The following PRKCZ variants were observed in gnomAD, a reference collection of about 807,000 sequenced individuals.
PRKCZ encodes protein kinase C zeta, also known as protein kinase C zeta type.
In PRKCZ, 33 loss-of-function variants were observed where a neutral mutation model predicts 79.5. The ratio of observed to expected loss-of-function variants is 0.41; its 90% CI spans 0.31 to 0.55. The LOEUF is 0.55. PRKCZ is among the 20% of genes least tolerant of loss of function. The pLI, the probability that PRKCZ is intolerant of heterozygous loss-of-function variation, is 0.19. For missense variants in PRKCZ, 578 were observed against 813.5 expected, an observed-to-expected ratio of 0.71 and a Z score of 3.52; for synonymous variants, 342 against 320.9, an observed-to-expected ratio of 1.07 and a Z score of -0.70.
At chr1:2,060,530 A>G (rs552531349) in intron 4 of PRKCZ, among the ~76,000 whole-genome samples, 27 of 148,224 alleles carry the variant, frequency 1.8e-4, no homozygotes, top group African/African-American at 6.6e-4. Flanking sequence ...AGTGGGGCTG[A>G]ATAGAGGTTT....
At chr1:2,152,499 T>C (rs910985535) in intron 9 of PRKCZ, among the ~76,000 whole-genome samples, 1 of 152,160 alleles carries the variant, frequency 6.6e-6, no homozygotes, top group Admixed American at 6.5e-5. Context: ...GCTACTGCAC[T>C]CCAGTCTGGG....
chr1:2,151,016 A>T (rs1679787491), intron 9 of PRKCZ, 38 bp downstream of exon 9: 3 of 1,608,642 alleles, frequency 1.9e-6, no homozygotes, highest in Non-Finnish European at 2.5e-6. Context: ...GGGCCCGGGA[A>T]CGCGCTGCCC....
chr1:2,119,306 C>G (rs1201932793), intron 4 of PRKCZ, among the ~76,000 whole-genome samples: 1 of 151,302 alleles, frequency 6.6e-6, no homozygotes, highest in African/African-American at 2.4e-5. Flanking sequence ...CCTCCACCTC[C>G]TGGGTTCAAG....
chr1:2,184,771 C>T, intron 17 of PRKCZ, 73 bp downstream of exon 17: 2 of 1,470,172 alleles, frequency 1.4e-6, no homozygotes, highest in Non-Finnish European at 9.3e-7. Context: ...CCTTGGGCAG[C>T]TGGTGACCCA....
In PRKCZ at chr1:2,138,223, G is replaced by A. The variant is rs570330129; in HGVS notation, c.420+2876G>A. Among the ~76,000 whole-genome samples the A allele has an allele frequency of 2.0e-5, 3 of 152,336 alleles. No individual in the cohort carries two copies. The East Asian group carries it at 5.8e-4, about 29-fold the overall frequency. On this transcript the variant is annotated intron_variant, in intron 5 of 17. Coordinates refer to ENST00000378567, the MANE Select transcript of PRKCZ (RefSeq NM_002744.6). Reference sequence around the variant, plus strand: ...CACCCAGGAGAAGAGAGACTTTTCCGTCCTCTTTGTTGGTGAAGCGAGGAT... The same window carrying A: ...CACCCAGGAGAAGAGAGACTTTTCCATCCTCTTTGTTGGTGAAGCGAGGAT...
intron 1 of PRKCZ, among the ~76,000 whole-genome samples, chr1:2,054,781 CG>C (rs1660004368): frequency 6.6e-6 from 1 of 152,132 alleles, no homozygotes; most frequent in Non-Finnish European, 1.5e-5. Flanking sequence ...GCGCCCATCC[CG>C]GGGTCACCCA....
chr1:2,179,784 A>G (rs1686184496), intron 16 of PRKCZ, among the ~76,000 whole-genome samples: 1 of 151,920 alleles, frequency 6.6e-6, no homozygotes, highest in South Asian at 2.1e-4. Flanking sequence ...AAGGACTCTA[A>G]TGCTTCGTGT....
chr1:2,115,305 C>T (rs993197890), intron 4 of PRKCZ, among the ~76,000 whole-genome samples: 2 of 152,262 alleles, frequency 1.3e-5, no homozygotes, highest in Non-Finnish European at 2.9e-5. Context: ...ACCGGGGTCC[C>T]GGCTTTTGGC....
chr1:2,095,731 A>T (rs6603814), intron 4 of PRKCZ, among the ~76,000 whole-genome samples: 78,383 of 111,008 alleles, frequency 0.71, 24,447 homozygotes, highest in East Asian at 0.95. Flanking sequence ...TTCCCTCCCC[A>T]CCTTTCCGCT....
Position 2,155,982 on chromosome 1 carries a change from G to T in PRKCZ, c.877-13G>T. Reference sequence around the variant, plus strand: ...TCGGGAGCCTCATTACCACTCCCTGGTTTCTATTTCAGGATATTGACTGGG... The same window carrying T: ...TCGGGAGCCTCATTACCACTCCCTGTTTTCTATTTCAGGATATTGACTGGG... On this transcript the variant is annotated splice_polypyrimidine_tract_variant and intron_variant, in intron 9 of 17. Coordinates refer to ENST00000378567, the MANE Select transcript of PRKCZ (RefSeq NM_002744.6). The T allele has an allele frequency of 1.2e-6, 2 of 1,611,618 alleles. No homozygotes were observed. Among genetic ancestry groups the T allele is most frequent in the Non-Finnish European group, 1.7e-6 (2 of 1,177,864 alleles).
chr1:2,143,869 C>T, intron 5 of PRKCZ: 1 of 250,580 alleles, frequency 4.0e-6, no homozygotes, highest in South Asian at 5.2e-5. Flanking sequence ...ACGCAGAGCG[C>T]AGCAGGAGCT....
At chr1:2,153,575 G>T (rs999877454) in intron 9 of PRKCZ, among the ~76,000 whole-genome samples, 1 of 152,214 alleles carries the variant, frequency 6.6e-6, no homozygotes. Context: ...CATGCCCTGC[G>T]CCGAGGAACA....
rs1028670956 is a variant in PRKCZ, at chr1:2,127,178, C to G, written c.335-8084C>G. Among the ~76,000 whole-genome samples, 47 of 152,344 alleles carry G rather than the reference C, an allele frequency of 3.1e-4. No homozygotes were observed. Among genetic ancestry groups the G allele is most frequent in the Admixed American group, 3.1e-3 (47 of 15,308 alleles). ...AGTCCCCAAAACAGACCCTGCGCCC[C>G]GGGCAACCATCTGCTTCCCGCCACA... On this transcript the variant is annotated intron_variant, in intron 4 of 17. Coordinates refer to ENST00000378567, the MANE Select transcript of PRKCZ (RefSeq NM_002744.6). This position sits in a 1 kb window ranked among gnomAD's most constrained non-coding sequence, Gnocchi z 5.1.
At chr1:2,054,242 A>G (rs2102204317) in intron 1 of PRKCZ, among the ~76,000 whole-genome samples, 1 of 152,288 alleles carries the variant, frequency 6.6e-6, no homozygotes, top group African/African-American at 2.4e-5. Context: ...GCTTCTTTTT[A>G]TAGGCCCTGT....
At chr1:2,054,601 C>T (rs899561541) in intron 1 of PRKCZ, among the ~76,000 whole-genome samples, 4 of 152,004 alleles carry the variant, frequency 2.6e-5, no homozygotes, top group African/African-American at 7.3e-5. Flanking sequence ...GGGCTTCTGC[C>T]GTGGCTGCAG....
Position 2,178,653 on chromosome 1 carries a change from G to A in PRKCZ, c.1575+3340G>A, listed in dbSNP as rs372075837. 3.3e-5 allele frequency among the ~76,000 whole-genome samples: 5 copies of A among 152,298 alleles called. No homozygotes were observed. Among genetic ancestry groups the A allele is most frequent in the African/African-American group, 1.2e-4 (5 of 41,568 alleles). ...CAGGGGGGCCACCTGTTCCTGCAGCGGCTGCTTTCTGGTCCCTTTGGGGGC... is the reference window on the plus strand; with the variant it reads ...CAGGGGGGCCACCTGTTCCTGCAGCAGCTGCTTTCTGGTCCCTTTGGGGGC... On this transcript the variant is annotated intron_variant, in intron 16 of 17. Transcript: ENST00000378567. This position sits in a 1 kb window ranked among gnomAD's most constrained non-coding sequence, Gnocchi z 4.3.
intron 8 of PRKCZ, among the ~76,000 whole-genome samples, chr1:2,150,450 T>C (rs1358647768): frequency 6.6e-6 from 1 of 152,186 alleles, no homozygotes; most frequent in Non-Finnish European, 1.5e-5. Flanking sequence ...CTGGGCCACA[T>C]GTCCCTGTGG....
At chr1:2,137,026 G>A (rs1011298647) in intron 5 of PRKCZ, among the ~76,000 whole-genome samples, 2 of 152,178 alleles carry the variant, frequency 1.3e-5, no homozygotes, top group African/African-American at 2.4e-5. Flanking sequence ...GCAGGCTGGG[G>A]AAGAAAGAAG....
chr1:2,091,987 G>A (rs971975230), intron 4 of PRKCZ, among the ~76,000 whole-genome samples: 3 of 152,096 alleles, frequency 2.0e-5, no homozygotes, highest in Admixed American at 6.5e-5. Context: ...GGAAAGCGTC[G>A]TGCCAGACAG....
Sources: gnomAD v4.1 joint callset for allele counts (sites outside exome capture counted in the v4.1 genomes callset) on GRCh38, gnomAD v4.1.1 for gene constraint, Gnocchi (gnomAD v3.1) non-coding constraint, MANE v1.5 for transcripts, NCBI Gene and HGNC (gene_info 2026-07-23, HGNC 2026-07-21) for gene names.